PARVA: variants seen among roughly 807,000 people sequenced by gnomAD.
PARVA encodes the protein alpha-parvin.
In PARVA, 25 loss-of-function variants were observed where a neutral mutation model predicts 52.6. That is an observed-to-expected ratio of 0.48 (90% confidence interval 0.35 to 0.66). PARVA has a LOEUF of 0.66. Among genes scored for constraint, PARVA ranks in the 30% least tolerant of loss-of-function variants. PARVA has a pLI of 0.01. For synonymous variants in PARVA, 185 were observed against 179.1 expected (o/e 1.03, Z -0.26); for missense variants, 373 against 450.9 (o/e 0.83, Z 1.56).
intron 10 of PARVA, among the ~76,000 whole-genome samples, chr11:12,514,322 CTT>C (rs1225054960): frequency 2.6e-5 from 4 of 152,254 alleles, no homozygotes; most frequent in Non-Finnish European, 4.4e-5. Context: ...ACCTCTCTCT[CTT>C]TCTCTGCACC....
rs1193788868 is a variant in PARVA at position 12,530,392 on chromosome 11, AAG to A, written c.*2469_*2470del. 3 of 152,160 alleles carry A rather than the reference AAG, an allele frequency of 2.0e-5. No homozygotes were observed. 9.4% of individuals were successfully genotyped at this position (152,160 alleles called of 1,614,324 possible). On this transcript the variant is annotated 3_prime_UTR_variant, in exon 13 of 13. Transcript: ENST00000334956. Reference sequence around the variant, plus strand: ...AAACTTAATCTTCATCTTTAAAAAAAAGAAAAAAGAAACCAAAATGAGAATCA... The same window carrying A: ...AAACTTAATCTTCATCTTTAAAAAAAAAAAAAGAAACCAAAATGAGAATCA...
intron 1 of PARVA, among the ~76,000 whole-genome samples, chr11:12,455,873 C>T (rs1940687603): frequency 6.6e-6 from 1 of 152,142 alleles, no homozygotes; most frequent in African/African-American, 2.4e-5. Flanking sequence ...CTCAAGTGTC[C>T]AGCTTCCAGA....
At chr11:12,420,625 G>A (rs568886135) in intron 1 of PARVA, among the ~76,000 whole-genome samples, 1 of 152,286 alleles carries the variant, frequency 6.6e-6, no homozygotes, top group Non-Finnish European at 1.5e-5. Flanking sequence ...CAGATCCAGA[G>A]CCCAACACCT....
In PARVA at chr11:12,478,169, C is replaced by G. The variant is rs535380772; in HGVS notation, c.400+220C>G. On this transcript the variant is annotated intron_variant, in intron 4 of 12. Transcript: ENST00000334956. Reference sequence around the variant, plus strand: ...GAGGGAGTCTCCATGACTAGGTGGGCCTGCTCCTTCTAGCAGCCAAGAATC... The same window carrying G: ...GAGGGAGTCTCCATGACTAGGTGGGGCTGCTCCTTCTAGCAGCCAAGAATC... The G allele has an allele frequency of 4.7e-6, 3 of 634,486 alleles. No individual in the cohort carries two copies. In the East Asian group the frequency reaches 9.1e-5, roughly 19 times the overall value. The allele number at this position is 634,486 out of a possible 1,614,324, so 39.3% of individuals were successfully genotyped here. A position where few individuals can be genotyped will look rare whatever the true frequency, so the allele number is the denominator to read the frequency against.
At chr11:12,460,279 T>C (rs1443814518) in intron 1 of PARVA, among the ~76,000 whole-genome samples, 1 of 152,164 alleles carries the variant, frequency 6.6e-6, no homozygotes, top group African/African-American at 2.4e-5. Flanking sequence ...GCCAGCTGGC[T>C]CAGGATCAAA....
chr11:12,464,025 TTATCTCATA>T (rs1940820381), intron 1 of PARVA, among the ~76,000 whole-genome samples: 1 of 148,102 alleles, frequency 6.8e-6, no homozygotes, highest in Non-Finnish European at 1.5e-5. Context: ...GGCTCCAAGC[TTATCTCATA>T]TATTTTCTCT....
intron 4 of PARVA, among the ~76,000 whole-genome samples, 194 bp from the exon 5 acceptor site, chr11:12,496,264 T>C (rs1362093317): frequency 6.7e-6 from 1 of 150,264 alleles, no homozygotes; most frequent in Admixed American, 6.7e-5. Flanking sequence ...CTCACAGTAC[T>C]GATGCTGCTG....
At position 12,388,275 on chromosome 11, in the gene PARVA, T is replaced by C. The variant is rs182732872; in HGVS notation, c.136+10492T>C. ...AATGTTAGCTGAATGTGTGGATCAC[T>C]ATAGGACTTACCTAAAATCTGGTTC... On this transcript the variant is annotated intron_variant, in intron 1 of 12. Transcript: ENST00000334956. Among the ~76,000 whole-genome samples, 10 of 152,334 alleles carry C rather than the reference T, an allele frequency of 6.6e-5. No homozygotes were observed. The East Asian group carries it at 1.5e-3, about 24-fold the overall frequency.
At chr11:12,421,563 C>A (rs4568988) in intron 1 of PARVA, among the ~76,000 whole-genome samples, 147,515 of 152,308 alleles carry the variant, frequency 0.97, 71,609 homozygotes, top group East Asian at 1. Flanking sequence ...CCAGAGGGGC[C>A]TCTGTCAGCT....
chr11:12,412,752 T>G (rs1251403083), intron 1 of PARVA, among the ~76,000 whole-genome samples: 1 of 152,106 alleles, frequency 6.6e-6, no homozygotes, highest in Non-Finnish European at 1.5e-5. Flanking sequence ...GGAAAAATGG[T>G]CTTGTTATAT....
chr11:12,487,893 A>G (rs907838394), intron 4 of PARVA, among the ~76,000 whole-genome samples: 1 of 152,180 alleles, frequency 6.6e-6, no homozygotes, highest in Admixed American at 6.5e-5. Context: ...GTCTCTATGA[A>G]TGGGACTAGG....
intron 12 of PARVA, among the ~76,000 whole-genome samples, chr11:12,526,964 G>C (rs1274078914): frequency 6.6e-6 from 1 of 152,146 alleles, no homozygotes; most frequent in Non-Finnish European, 1.5e-5. Flanking sequence ...GCTAAGCACA[G>C]TGTGTCAGTG....
chr11:12,501,763 A>C (rs1941365991), intron 5 of PARVA, among the ~76,000 whole-genome samples: 1 of 152,044 alleles, frequency 6.6e-6, no homozygotes, highest in Non-Finnish European at 1.5e-5. Flanking sequence ...ATTTCTTTCT[A>C]AAAAAAATCC....
At position 12,406,731 on chromosome 11, in the gene PARVA, C is replaced by T. The variant is rs556815096; in HGVS notation, c.136+28948C>T. The stretch of plus-strand genomic sequence containing the variant: ...TGTTGCCCAGGCTGGAATGCAGTGG[C>T]GCAATCTCGGCTCACTGCAAGCTCC... On this transcript the variant is annotated intron_variant, in intron 1 of 12. Transcript: ENST00000334956. Among the ~76,000 whole-genome samples the T allele has an allele frequency of 1.9e-4, 24 of 127,740 alleles. 1 individual carries two copies. The highest frequency in any genetic ancestry group is 2.4e-4 in the African/African-American group (8 of 32,844). 83.8% of individuals were successfully genotyped at this position (127,740 alleles called of 152,430 possible).
intron 1 of PARVA, among the ~76,000 whole-genome samples, chr11:12,471,884 G>A (rs1322053126): frequency 6.6e-6 from 1 of 152,254 alleles, no homozygotes; most frequent in Non-Finnish European, 1.5e-5. Flanking sequence ...TCATTGGCCA[G>A]TAAGCCTAGC....
At chr11:12,462,612 G>A (rs781204230) in intron 1 of PARVA, among the ~76,000 whole-genome samples, 5 of 152,142 alleles carry the variant, frequency 3.3e-5, no homozygotes, top group African/African-American at 4.8e-5. Context: ...GTGTTATGCC[G>A]CAAAGTTTGT....
chr11:12,382,703 G>A (rs1230608251), intron 1 of PARVA, among the ~76,000 whole-genome samples: 1 of 152,128 alleles, frequency 6.6e-6, no homozygotes, highest in Non-Finnish European at 1.5e-5. Context: ...TAAAAGCATG[G>A]TCTTTAGGAT....
intron 1 of PARVA, among the ~76,000 whole-genome samples, chr11:12,425,064 A>T (rs550335091): frequency 6.6e-6 from 1 of 152,320 alleles, no homozygotes; most frequent in Non-Finnish European, 1.5e-5. Flanking sequence ...TCAAGATCTT[A>T]TTTATATAAC....
chr11:12,531,737 G>T lies in PARVA; in HGVS notation c.*3812G>T, dbSNP rs564129802. 2.6e-5 allele frequency among the ~76,000 whole-genome samples: 4 copies of T among 151,482 alleles called. No homozygotes were observed. Among genetic ancestry groups the T allele is most frequent in the African/African-American group, 4.8e-5 (2 of 41,238 alleles). ...AAATCTTCACTAATTCCAAGATTGC[G>T]TGTCATTTCCCCCAAAAATTTGCTT... On this transcript the variant is annotated 3_prime_UTR_variant, in exon 13 of 13. Coordinates refer to ENST00000334956, the MANE Select transcript of PARVA (RefSeq NM_018222.5).
Sources: allele counts gnomAD v4.1 joint callset (sites outside exome capture counted in the v4.1 genomes callset), GRCh38; gene constraint gnomAD v4.1.1; transcripts MANE v1.5; gene names NCBI Gene and HGNC (gene_info 2026-07-23, HGNC 2026-07-21).